Variants in DTHD1 observed in about 807,000 individuals in gnomAD.
DTHD1 encodes the protein death domain-containing protein 1.
Under a neutral mutation model 74.8 loss-of-function variants are expected in DTHD1, and 59 were observed. That is an observed-to-expected ratio of 0.79 (90% CI 0.64 to 0.98). DTHD1 has a LOEUF of 0.98. DTHD1 is among the 50% of genes least tolerant of loss of function. The pLI, the probability that DTHD1 is intolerant of heterozygous loss-of-function variation, is 0.00. For synonymous variants in DTHD1, 365 were observed against 371.1 expected (o/e 0.98, Z 0.19); for missense variants, 1,051 against 1,065.4 (o/e 0.99, Z 0.19).
intron 9 of DTHD1, 38 bp downstream of exon 9, chr4:36,339,207 C>T: frequency 7.1e-7 from 1 of 1,404,218 alleles, no homozygotes; most frequent in Non-Finnish European, 9.8e-7. Flanking sequence ...ATAGTGCTTC[C>T]CCACCCCCTT....
At chr4:36,288,249 C>A (rs895766156) in intron 2 of DTHD1, among the ~76,000 whole-genome samples, 1 of 152,154 alleles carries the variant, frequency 6.6e-6, no homozygotes. Flanking sequence ...CAGGCGCCCA[C>A]CAGCATGCCA....
At chr4:36,290,804 T>G in intron 3 of DTHD1, 101 bp downstream of exon 3, 1 of 929,496 alleles carries the variant, frequency 1.1e-6, no homozygotes, top group Non-Finnish European at 1.6e-6. Context: ...GCTCCACTAG[T>G]AATAAATGGA....
rs6824507 is a variant in DTHD1 at position 36,284,307 on chromosome 4, A to C, written c.603A>C (p.Val201=). Residue 201 remains valine (V), a synonymous_variant, in exon 2 of 10, where the codon GTA becomes GTC. Coordinates refer to ENST00000639862, the MANE Select transcript of DTHD1 (RefSeq NM_001170700.3). ...ACAATACATCACTGAATGGACGTGT[A>C]CTGGGGCAAGAAGAGTCACAGAATA... is the stretch of plus-strand genomic sequence containing the variant. ...KENNTSLNGR[V]LGQEESQNKM... 373,789 of 1,537,068 alleles carry C rather than the reference A, an allele frequency of 0.24. 47,113 individuals are homozygous for C. The highest frequency in any genetic ancestry group is 0.26 in the Non-Finnish European group (292,990 of 1,146,802).
Position 36,282,016 on chromosome 4 carries a change from T to G in DTHD1, c.258T>G (p.Cys86Trp). 6.6e-7 allele frequency: 1 copy of G among 1,525,204 alleles called. No homozygotes were observed. The highest frequency in any genetic ancestry group is 1.4e-5 in the African/African-American group (1 of 72,224). The allele number at this position is 1,525,204 out of a possible 1,614,324, so 94.5% of individuals were successfully genotyped here. The part of the protein sequence containing the change: ...LHVLLDKENQ[C>W]VSRKEIITFI... ...TGCTGCTTGACAAAGAGAATCAATG[T>G]GTCTCGAGAAAAGGCAAGTATTCTT... The change falls in exon 1 of 10, where the codon TGT becomes TGG. Residue 86 changes from cysteine to tryptophan, a missense_variant. Transcript: ENST00000639862.
chr4:36,290,816 G>A (rs1756034017), intron 3 of DTHD1, 113 bp downstream of exon 3: 1 of 873,606 alleles, frequency 1.1e-6, no homozygotes, highest in Admixed American at 2.9e-5. Flanking sequence ...ATAAATGGAA[G>A]GACTTTTGAA....
chr4:36,305,234 A>C (rs984547651), intron 5 of DTHD1, among the ~76,000 whole-genome samples: 1 of 152,220 alleles, frequency 6.6e-6, no homozygotes, highest in Non-Finnish European at 1.5e-5. Context: ...TACTTGTATT[A>C]GTCCATTTTC....
intron 9 of DTHD1, among the ~76,000 whole-genome samples, chr4:36,341,874 G>T (rs919954153): frequency 1.3e-5 from 2 of 152,228 alleles, no homozygotes; most frequent in Admixed American, 1.3e-4. Flanking sequence ...CTATAGTAGT[G>T]ATGGCAGCAA....
chr4:36,316,729 G>T (rs900370627), intron 8 of DTHD1, among the ~76,000 whole-genome samples: 13 of 152,116 alleles, frequency 8.5e-5, no homozygotes, highest in African/African-American at 2.9e-4. Flanking sequence ...ACAGCATGTT[G>T]TTGCTAACTA....
chr4:36,342,165 G>C (rs960797177), intron 9 of DTHD1, among the ~76,000 whole-genome samples: 1 of 152,184 alleles, frequency 6.6e-6, no homozygotes, highest in African/African-American at 2.4e-5. Context: ...TGGATGGGAC[G>C]AGAAAAGCCT....
intron 8 of DTHD1, among the ~76,000 whole-genome samples, chr4:36,323,175 A>G (rs976179520): frequency 6.6e-6 from 1 of 152,180 alleles, no homozygotes. Context: ...TTCCTGGATT[A>G]TTATTTTTTT....
chr4:36,342,260 A>T (rs959662873), intron 9 of DTHD1, among the ~76,000 whole-genome samples: 4 of 152,186 alleles, frequency 2.6e-5, no homozygotes, highest in African/African-American at 9.6e-5. Flanking sequence ...AGAACAAGGA[A>T]GTGCTGGCCC....
intron 8 of DTHD1, among the ~76,000 whole-genome samples, chr4:36,338,318 G>A (rs1051629382): frequency 6.6e-6 from 1 of 152,120 alleles, no homozygotes; most frequent in African/African-American, 2.4e-5. Flanking sequence ...TTTAGTTCCT[G>A]TAGTGTGGAT....
At chr4:36,341,483 G>A (rs1165804220) in intron 9 of DTHD1, among the ~76,000 whole-genome samples, 2 of 152,170 alleles carry the variant, frequency 1.3e-5, no homozygotes, top group Non-Finnish European at 2.9e-5. Flanking sequence ...GAAACAGAAT[G>A]AGAGTGAGAT....
intron 8 of DTHD1, among the ~76,000 whole-genome samples, chr4:36,332,239 A>G (rs987198185): frequency 1.4e-5 from 1 of 69,322 alleles, no homozygotes; most frequent in African/African-American, 5.0e-5. Context: ...AAATAAAATA[A>G]AATAAAATAA....
chr4:36,317,004 C>CTG (rs1265136737), intron 8 of DTHD1, among the ~76,000 whole-genome samples: 1 of 152,130 alleles, frequency 6.6e-6, no homozygotes, highest in Non-Finnish European at 1.5e-5. Flanking sequence ...CATTTTATTG[C>CTG]TGTATATTAC....
intron 8 of DTHD1, 130 bp downstream of exon 8, chr4:36,316,616 A>T (rs563715833): frequency 2.2e-6 from 2 of 911,176 alleles, no homozygotes; most frequent in Admixed American, 6.1e-5. Context: ...ATAAAGAAGG[A>T]GTAGGTAGGT....
At chr4:36,290,276 A>T in intron 2 of DTHD1, 97 bp from the exon 3 acceptor site, 1 of 1,264,962 alleles carries the variant, frequency 7.9e-7, no homozygotes, top group South Asian at 1.6e-5. Flanking sequence ...AATTCACACC[A>T]AGACAATGTA....
chr4:36,298,757 G>A (rs1299135762), intron 5 of DTHD1, among the ~76,000 whole-genome samples: 1 of 152,160 alleles, frequency 6.6e-6, no homozygotes. Flanking sequence ...ATTTCTCATA[G>A]CAGTAAAGAG....
rs1214751285 is a variant in DTHD1, at chr4:36,316,233, T to A, written c.2096-9T>A. 5 of 1,547,622 alleles carry A rather than the reference T, an allele frequency of 3.2e-6. No homozygotes were observed. In the African/African-American group the frequency reaches 6.9e-5, roughly 21 times the overall value. ...TTAATGGTAATAAATACATTTTACT[T>A]CTATTTAGGCAACGGGAAGGATTAT... is the stretch of plus-strand genomic sequence containing the variant. On this transcript the variant is annotated splice_polypyrimidine_tract_variant and intron_variant, in intron 7 of 9. Transcript: ENST00000639862.
Sources: allele counts gnomAD v4.1 joint callset (sites outside exome capture counted in the v4.1 genomes callset), GRCh38; gene constraint gnomAD v4.1.1; transcripts MANE v1.5; gene names NCBI Gene and HGNC (gene_info 2026-07-23, HGNC 2026-07-21).